Variants in STAG1 observed in about 807,000 individuals in gnomAD.
The protein encoded by STAG1 is cohesin subunit SA-1.
STAG1 carries 26 observed loss-of-function variants against 170.9 expected under a neutral mutation model. That is an observed-to-expected ratio of 0.15 (90% CI 0.11 to 0.21). The LOEUF is 0.21. Among genes scored for constraint, STAG1 ranks in the 10% least tolerant of loss-of-function variants. The pLI is 1.00. For synonymous variants in STAG1, 514 were observed against 497.7 expected (o/e 1.03, Z -0.44); for missense variants, 964 against 1,509.5 (o/e 0.64, Z 5.99).
At chr3:136,652,358 G>T (rs1168149695) in intron 1 of STAG1, among the ~76,000 whole-genome samples, 1 of 152,204 alleles carries the variant, frequency 6.6e-6, no homozygotes, top group East Asian at 1.9e-4. Flanking sequence ...GATCAACAAT[G>T]AAGTTAAGCA....
At chr3:136,420,054 G>C (rs1387424504) in intron 20 of STAG1, among the ~76,000 whole-genome samples, 1 of 151,808 alleles carries the variant, frequency 6.6e-6, no homozygotes, top group African/African-American at 2.4e-5. Context: ...TTCAAGACCA[G>C]CCTGGCCAAC....
chr3:136,710,371 T>C (rs958983679), intron 1 of STAG1, among the ~76,000 whole-genome samples: 6 of 152,222 alleles, frequency 3.9e-5, no homozygotes, highest in Non-Finnish European at 7.3e-5. Context: ...GCTATTTCAT[T>C]TTCCCTGTAT....
At chr3:136,386,270 C>T (rs771951449) in intron 22 of STAG1, among the ~76,000 whole-genome samples, 10 of 152,162 alleles carry the variant, frequency 6.6e-5, no homozygotes, top group Non-Finnish European at 1.3e-4. Flanking sequence ...ACCCAGGAGG[C>T]GGAGGTTGTG....
At chr3:136,738,638 G>T (rs768661911) in intron 1 of STAG1, among the ~76,000 whole-genome samples, 1 of 152,126 alleles carries the variant, frequency 6.6e-6, no homozygotes, top group South Asian at 2.1e-4. Context: ...CTAGGCAACA[G>T]AACAAGACTG....
intron 7 of STAG1, chr3:136,518,366 G>T (rs556789032): frequency 1.4e-6 from 1 of 700,542 alleles, no homozygotes; most frequent in South Asian, 1.5e-5. Flanking sequence ...AGTCTTTGAA[G>T]CAGAGGATTA....
intron 14 of STAG1, among the ~76,000 whole-genome samples, chr3:136,451,180 A>G (rs2088930317): frequency 1.3e-5 from 2 of 151,946 alleles, no homozygotes; most frequent in Admixed American, 1.3e-4. Context: ...AAAAAAAAAA[A>G]AACCCACACC....
At chr3:136,654,100 C>T (rs961687321) in intron 1 of STAG1, among the ~76,000 whole-genome samples, 1 of 152,140 alleles carries the variant, frequency 6.6e-6, no homozygotes, top group Non-Finnish European at 1.5e-5. Context: ...CCTGCTTTTA[C>T]TACTTCTATT....
intron 23 of STAG1, among the ~76,000 whole-genome samples, chr3:136,376,315 C>G (rs1214236551): frequency 6.6e-6 from 1 of 152,110 alleles, no homozygotes; most frequent in Non-Finnish European, 1.5e-5. Flanking sequence ...CTCCCCAATA[C>G]AACAGTCTAT....
chr3:136,400,746 C>A (rs915953065), intron 21 of STAG1, among the ~76,000 whole-genome samples: 2 of 151,904 alleles, frequency 1.3e-5, no homozygotes, highest in African/African-American at 4.8e-5. Flanking sequence ...ATGTTGGCCA[C>A]GCTGGTCTTG....
At chr3:136,340,272 G>A (rs2108255796) in intron 32 of STAG1, among the ~76,000 whole-genome samples, 1 of 152,222 alleles carries the variant, frequency 6.6e-6, no homozygotes, top group East Asian at 1.9e-4. Flanking sequence ...ACGGGCACGT[G>A]CCACCACGCC....
intron 1 of STAG1, among the ~76,000 whole-genome samples, chr3:136,653,744 C>T (rs1941288692): frequency 6.6e-6 from 1 of 152,018 alleles, no homozygotes; most frequent in South Asian, 2.1e-4. Flanking sequence ...AAAATACAAC[C>T]CAAAAAAGTT....
chr3:136,656,487 CGGT>C (rs1227226768), intron 1 of STAG1, among the ~76,000 whole-genome samples: 1 of 151,184 alleles, frequency 6.6e-6, no homozygotes, highest in African/African-American at 2.4e-5. Context: ...GGGGTAGAAA[CGGT>C]GGTGGCAGAG....
intron 21 of STAG1, among the ~76,000 whole-genome samples, chr3:136,416,187 T>C (rs2087767299): frequency 6.6e-6 from 1 of 152,058 alleles, no homozygotes; most frequent in South Asian, 2.1e-4. Flanking sequence ...TTTGTATTTT[T>C]AGTAGAGATG....
chr3:136,496,795 C>A (rs1240772532), intron 9 of STAG1, among the ~76,000 whole-genome samples: 1 of 150,832 alleles, frequency 6.6e-6, no homozygotes, highest in African/African-American at 2.4e-5. Flanking sequence ...GGACAGAAAT[C>A]AATGAAATAG....
intron 21 of STAG1, among the ~76,000 whole-genome samples, chr3:136,414,299 C>A (rs955849875): frequency 6.6e-6 from 1 of 152,210 alleles, no homozygotes; most frequent in Non-Finnish European, 1.5e-5. Context: ...CCACCCTTGT[C>A]ACTGCTTTAT....
intron 22 of STAG1, among the ~76,000 whole-genome samples, chr3:136,388,091 A>G (rs2086915472): frequency 6.6e-6 from 1 of 152,214 alleles, no homozygotes; most frequent in African/African-American, 2.4e-5. Context: ...GAAGACTACA[A>G]AAACAAAGAT....
intron 4 of STAG1, among the ~76,000 whole-genome samples, chr3:136,584,020 G>C (rs1033451847): frequency 5.9e-5 from 9 of 152,124 alleles, no homozygotes; most frequent in African/African-American, 2.2e-4. Context: ...ACACCAGCTG[G>C]AGAGCCTATA....
intron 9 of STAG1, among the ~76,000 whole-genome samples, chr3:136,494,883 G>T (rs1216996821): frequency 6.6e-6 from 1 of 152,080 alleles, no homozygotes; most frequent in East Asian, 1.9e-4. Flanking sequence ...ATTGTTAAGA[G>T]GTTAATTCTC....
intron 1 of STAG1, among the ~76,000 whole-genome samples, chr3:136,673,306 G>A (rs570459835): frequency 6.6e-6 from 1 of 152,268 alleles, no homozygotes; most frequent in African/African-American, 2.4e-5. Flanking sequence ...TGAGTTTGCT[G>A]ACAATTCTTA....
Sources: gnomAD v4.1 joint callset for allele counts (sites outside exome capture counted in the v4.1 genomes callset) on GRCh38, gnomAD v4.1.1 for gene constraint, MANE v1.5 for transcripts, NCBI Gene and HGNC (gene_info 2026-07-23, HGNC 2026-07-21) for gene names.